PAG1: variants seen among roughly 807,000 people sequenced by gnomAD.
The protein encoded by PAG1 is phosphoprotein membrane anchor with glycosphingolipid microdomains 1.
In PAG1, 23 loss-of-function variants were observed where a neutral mutation model predicts 31.7. That is an observed-to-expected ratio of 0.73 (90% confidence interval 0.52 to 1.03). PAG1 has a LOEUF of 1.03. Ranked by LOEUF, PAG1 falls within the 50% of genes least tolerant of loss-of-function variation. PAG1 has a pLI of 0.00. For synonymous variants in PAG1, 214 were observed against 210.3 expected (o/e 1.02, Z -0.15); for missense variants, 473 against 540.7 (o/e 0.87, Z 1.24).
chr8:80,997,053 G>A (rs1215875784), intron 3 of PAG1, among the ~76,000 whole-genome samples: 5 of 152,198 alleles, frequency 3.3e-5, no homozygotes, highest in Admixed American at 2.0e-4. Flanking sequence ...GCTGTCCTGT[G>A]ACATGGTTAT....
intron 1 of PAG1, among the ~76,000 whole-genome samples, chr8:81,101,593 CT>C (rs1438225525): frequency 6.6e-6 from 1 of 152,094 alleles, no homozygotes; most frequent in East Asian, 1.9e-4. Flanking sequence ...GGAAGCATAT[CT>C]TTTCCAATTC....
At chr8:81,063,624 G>C (rs1808954068) in intron 2 of PAG1, among the ~76,000 whole-genome samples, 1 of 152,122 alleles carries the variant, frequency 6.6e-6, no homozygotes, top group Non-Finnish European at 1.5e-5. Flanking sequence ...GATGTGACAG[G>C]TGTCTGGCTG....
intron 1 of PAG1, among the ~76,000 whole-genome samples, chr8:81,081,140 A>G (rs1012466889): frequency 6.6e-6 from 1 of 151,336 alleles, no homozygotes; most frequent in Admixed American, 6.6e-5. Flanking sequence ...GTTAACAAAT[A>G]TTATCTATTT....
At chr8:81,054,154 C>T (rs972617614) in intron 2 of PAG1, among the ~76,000 whole-genome samples, 3 of 152,102 alleles carry the variant, frequency 2.0e-5, no homozygotes, top group Admixed American at 6.5e-5. Flanking sequence ...AACATATGTA[C>T]GTAAGGCAAA....
At position 81,087,387 on chromosome 8, in the gene PAG1, G is replaced by A. The variant is rs149782651; in HGVS notation, c.-233-17217C>T. 2.8e-3 allele frequency among the ~76,000 whole-genome samples: 420 copies of A among 150,836 alleles called. 1 individual carries two copies. Among genetic ancestry groups the A allele is most frequent in the African/African-American group, 9.8e-3 (401 of 41,022 alleles). Reference sequence around the variant, plus strand: ...AATTTTAGAAGCATCAGCAGCAACAGTGACTACATGTGCCCTTGTAACGCC... The same window carrying A: ...AATTTTAGAAGCATCAGCAGCAACAATGACTACATGTGCCCTTGTAACGCC... On this transcript the variant is annotated intron_variant, in intron 1 of 8. Transcript: ENST00000220597.
intron 6 of PAG1, among the ~76,000 whole-genome samples, chr8:80,986,218 G>A (rs541412999): frequency 7.2e-5 from 11 of 152,220 alleles, no homozygotes; most frequent in African/African-American, 9.6e-5. Context: ...AAATGACAAC[G>A]GATCCCCCAA....
At chr8:81,053,571 T>G (rs1808767085) in intron 2 of PAG1, among the ~76,000 whole-genome samples, 1 of 152,234 alleles carries the variant, frequency 6.6e-6, no homozygotes, top group Non-Finnish European at 1.5e-5. Flanking sequence ...CATTGGTTAC[T>G]TAAAAGCCTA....
At chr8:80,987,268 G>A (rs1262609507) in intron 6 of PAG1, 102 bp downstream of exon 6, 2 of 758,572 alleles carry the variant, frequency 2.6e-6, no homozygotes, top group Non-Finnish European at 4.7e-6. Flanking sequence ...CTAAAACTGA[G>A]CAATAACACA....
chr8:81,057,020 A>G (rs1808835392), intron 2 of PAG1, among the ~76,000 whole-genome samples: 1 of 152,226 alleles, frequency 6.6e-6, no homozygotes, highest in African/African-American at 2.4e-5. Flanking sequence ...CCACAATGAG[A>G]TACCATCTCA....
intron 3 of PAG1, among the ~76,000 whole-genome samples, chr8:81,005,609 A>G (rs893118053): frequency 4.6e-5 from 7 of 152,260 alleles, no homozygotes; most frequent in Non-Finnish European, 7.3e-5. Flanking sequence ...TCTCTAGTAG[A>G]GACACAACAA....
chr8:81,050,363 T>G (rs1402874473), intron 2 of PAG1, among the ~76,000 whole-genome samples: 1 of 152,030 alleles, frequency 6.6e-6, no homozygotes, highest in Non-Finnish European at 1.5e-5. Flanking sequence ...AAACTTAGAT[T>G]TAAACATTCA....
chr8:80,978,224 C>T (rs369478983), intron 8 of PAG1, among the ~76,000 whole-genome samples: 39 of 152,316 alleles, frequency 2.6e-4, no homozygotes, highest in African/African-American at 8.7e-4. Context: ...CTTTGGAAAA[C>T]TCTTACTATG....
At chr8:80,984,445 G>C (rs1385468908) in intron 7 of PAG1, among the ~76,000 whole-genome samples, 1 of 152,100 alleles carries the variant, frequency 6.6e-6, no homozygotes, top group Non-Finnish European at 1.5e-5. Flanking sequence ...CAAGCAGAAT[G>C]GGTAAAATGT....
chr8:81,088,571 T>C (rs1197625708), intron 1 of PAG1, among the ~76,000 whole-genome samples: 1 of 152,180 alleles, frequency 6.6e-6, no homozygotes, highest in Admixed American at 6.5e-5. Context: ...ATAATATCTT[T>C]TGGTGTAATC....
At chr8:81,059,773 C>T (rs1336103762) in intron 2 of PAG1, among the ~76,000 whole-genome samples, 2 of 152,116 alleles carry the variant, frequency 1.3e-5, no homozygotes, top group African/African-American at 4.8e-5. Context: ...TGCCTGTAAT[C>T]CCAGCACTTT....
intron 1 of PAG1, among the ~76,000 whole-genome samples, chr8:81,083,779 G>A (rs1214402803): frequency 6.6e-6 from 1 of 152,090 alleles, no homozygotes; most frequent in Non-Finnish European, 1.5e-5. Context: ...TTACACCTAT[G>A]ATCCCAGCAC....
chr8:81,005,719 G>A (rs991388624), intron 3 of PAG1, among the ~76,000 whole-genome samples: 5 of 152,080 alleles, frequency 3.3e-5, no homozygotes, highest in South Asian at 4.1e-4. Flanking sequence ...GTATCAGAGC[G>A]CGTGTCCTGC....
intron 7 of PAG1, among the ~76,000 whole-genome samples, chr8:80,981,877 T>C (rs1343961153): frequency 6.8e-6 from 1 of 146,546 alleles, no homozygotes; most frequent in African/African-American, 2.6e-5. Context: ...TTTTTTTTTT[T>C]TTTTTTTTGA....
chr8:81,071,479 AT>A (rs1809092407), intron 1 of PAG1, among the ~76,000 whole-genome samples: 1 of 152,186 alleles, frequency 6.6e-6, no homozygotes, highest in East Asian at 1.9e-4. Flanking sequence ...GTGCTGGGAA[AT>A]TTCCCCACCA....
Sources: allele counts gnomAD v4.1 joint callset (sites outside exome capture counted in the v4.1 genomes callset), GRCh38; gene constraint gnomAD v4.1.1; transcripts MANE v1.5; gene names NCBI Gene and HGNC (gene_info 2026-07-23, HGNC 2026-07-21).